Variants in DYNC2I1 observed in about 807,000 individuals in gnomAD.
DYNC2I1 encodes cytoplasmic dynein 2 intermediate chain 1.
A neutral mutation model predicts 133.4 loss-of-function variants in DYNC2I1; 89 were observed. The ratio of observed to expected loss-of-function variants is 0.67; its 90% CI spans 0.56 to 0.80. The LOEUF (loss-of-function observed/expected upper bound fraction) is 0.80, where lower values mean the gene tolerates loss of function less well. DYNC2I1 is among the 30% of genes least tolerant of loss of function. The pLI, the probability that DYNC2I1 is intolerant of heterozygous loss-of-function variation, is 0.00. For synonymous variants in DYNC2I1, 504 were observed against 484.3 expected (o/e 1.04, Z -0.54); for missense variants, 1,291 against 1,314.5 (o/e 0.98, Z 0.28).
At chr7:158,893,168 G>A (rs947838288) in intron 8 of DYNC2I1, among the ~76,000 whole-genome samples, 4 of 152,030 alleles carry the variant, frequency 2.6e-5, no homozygotes, top group Non-Finnish European at 2.9e-5. Flanking sequence ...GGGTCATGAC[G>A]TGGATCCACC....
At chr7:158,857,766 G>T (rs2129475499) in intron 1 of DYNC2I1, among the ~76,000 whole-genome samples, 2 of 142,938 alleles carry the variant, frequency 1.4e-5, no homozygotes, top group East Asian at 2.0e-4. Context: ...TTGATCTCCT[G>T]ACTTCGTGAG....
chr7:158,932,504 C>T (rs1001480460), intron 21 of DYNC2I1, among the ~76,000 whole-genome samples: 1 of 152,174 alleles, frequency 6.6e-6, no homozygotes, highest in Non-Finnish European at 1.5e-5. Flanking sequence ...TGGTCACGAG[C>T]TGTCAGTGGG....
At chr7:158,891,943 G>A (rs1359933029) in intron 8 of DYNC2I1, among the ~76,000 whole-genome samples, 2 of 145,270 alleles carry the variant, frequency 1.4e-5, no homozygotes, top group South Asian at 2.2e-4. Context: ...AATTGCGGAC[G>A]GGGCCTCTGA....
intron 20 of DYNC2I1, among the ~76,000 whole-genome samples, chr7:158,929,191 C>T (rs1199443322): frequency 2.0e-5 from 3 of 152,230 alleles, no homozygotes; most frequent in Admixed American, 6.5e-5. Context: ...GGGTGGCTGC[C>T]AGCTCTTTGT....
intron 12 of DYNC2I1, among the ~76,000 whole-genome samples, chr7:158,912,444 CAATTTTTA>C (rs1300765853): frequency 2.6e-5 from 4 of 152,216 alleles, no homozygotes; most frequent in African/African-American, 9.6e-5. Context: ...ATGGCTTTTA[CAATTTTTA>C]AATTTTTAAA....
the DYNC2I1 span, among the ~76,000 whole-genome samples, chr7:158,841,339 G>A: frequency 6.6e-5 from 10 of 151,578 alleles, no homozygotes; most frequent in Admixed American, 2.6e-4. Flanking sequence ...AGCCTCCTGA[G>A]TAGCTGGGAT....
At position 158,869,890 on chromosome 7, in the gene DYNC2I1, C is replaced by A; in HGVS notation, c.51C>A (p.Asp17Glu). The change falls in exon 2 of 25, where the codon GAC (aspartate) becomes GAA (glutamate). Residue 17 changes from aspartate to glutamate, a missense_variant. Asp to Glu is a conservative substitution (Grantham distance 45). Transcript: ENST00000407559. ...AAGATGATACCTGGAAAGCAGATGA[C>A]CTCAGAAAACATCTCTGGGTAATTA... ...RTKDDTWKAD[D>E]LRKHLWAIQS... 1.2e-6 allele frequency: 2 copies of A among 1,613,474 alleles called. No individual in the cohort carries two copies. Among genetic ancestry groups the A allele is most frequent in the Non-Finnish European group, 1.7e-6 (2 of 1,179,482 alleles).
chr7:158,932,297 G>A (rs1339704586), intron 21 of DYNC2I1, among the ~76,000 whole-genome samples: 1 of 152,170 alleles, frequency 6.6e-6, no homozygotes, highest in Non-Finnish European at 1.5e-5. Flanking sequence ...GGGATGGAGT[G>A]CAGTGGGGAC....
chr7:158,922,665 A>G, intron 16 of DYNC2I1, 116 bp downstream of exon 16: 11 of 993,294 alleles, frequency 1.1e-5, no homozygotes, highest in African/African-American at 1.6e-5. Flanking sequence ...GTGGGTAGGG[A>G]CTTATGGGCC....
chr7:158,840,774 C>T, the DYNC2I1 span, among the ~76,000 whole-genome samples: 2 of 152,120 alleles, frequency 1.3e-5, no homozygotes, highest in Non-Finnish European at 1.5e-5. Context: ...GACTAGTGGG[C>T]CTCTCGGCCT....
intron 1 of DYNC2I1, among the ~76,000 whole-genome samples, chr7:158,866,087 CAGTATCAGTAATGTTAACCATTA>C (rs1842377179): frequency 7.6e-6 from 1 of 131,582 alleles, no homozygotes; most frequent in South Asian, 2.6e-4. Flanking sequence ...TTAACTTTGT[CAGTATCAGTAATGTTAACCATTA>C]AGAAACCCCA....
At chr7:158,840,259 A>C in the DYNC2I1 span, among the ~76,000 whole-genome samples, 1 of 151,934 alleles carries the variant, frequency 6.6e-6, no homozygotes, top group African/African-American at 2.4e-5. Flanking sequence ...AAAAAAAAAA[A>C]TCAGAAATTA....
At chr7:158,843,261 G>GT in the DYNC2I1 span, among the ~76,000 whole-genome samples, 689 of 150,612 alleles carry the variant, frequency 4.6e-3, 3 homozygotes, top group Non-Finnish European at 6.5e-3. Flanking sequence ...TGCCCGGCCA[G>GT]TTTTTTTTTG....
downstream of DYNC2I1, among the ~76,000 whole-genome samples, chr7:158,957,328 G>A (rs1364374586): frequency 6.6e-6 from 1 of 152,220 alleles, no homozygotes; most frequent in Non-Finnish European, 1.5e-5. Flanking sequence ...GCTCCTGTGG[G>A]GCCGATTCTG....
intron 8 of DYNC2I1, among the ~76,000 whole-genome samples, chr7:158,894,863 GTGTTC>G (rs1259421475): frequency 2.1e-5 from 3 of 144,602 alleles, no homozygotes; most frequent in African/African-American, 7.8e-5. Flanking sequence ...GGTGTTGTTG[GTGTTC>G]TGGATATAAA....
chr7:158,952,181 C>T (rs1450650939), intron 4 of DYNC2I1, among the ~76,000 whole-genome samples: 1 of 152,204 alleles, frequency 6.6e-6, no homozygotes, highest in East Asian at 1.9e-4. Flanking sequence ...CGCACGCTGG[C>T]ACCTGTGGGA....
Position 158,945,403 on chromosome 7 carries a change from G to A in DYNC2I1, c.3003-178G>A, listed in dbSNP as rs1851781409. On this transcript the variant is annotated intron_variant, in intron 24 of 24. Coordinates refer to ENST00000407559, the MANE Select transcript of DYNC2I1 (RefSeq NM_018051.5). The surrounding 1 kb of genome is among the most constrained non-coding windows in gnomAD (Gnocchi z 4.1). ...GTTCCATCTGGCAGGCCTCTGACAT[G>A]CGGAAATGCATTTTCACACATTTAT... Among the ~76,000 whole-genome samples, 1 of 152,218 alleles carries A rather than the reference G, an allele frequency of 6.6e-6. No individual in the cohort carries two copies. Among genetic ancestry groups the A allele is most frequent in the Non-Finnish European group, 1.5e-5 (1 of 68,042 alleles).
intron 1 of DYNC2I1, 73 bp downstream of exon 1, chr7:158,856,823 C>T (rs1841285967): frequency 1.6e-6 from 2 of 1,222,326 alleles, no homozygotes; most frequent in Non-Finnish European, 1.0e-6. Context: ...CTAGCAGCGC[C>T]GCCGCCGCCC....
chr7:158,911,609 T>G lies in DYNC2I1; in HGVS notation c.1520T>G (p.Leu507Arg). The G allele has an allele frequency of 6.2e-7, 1 of 1,613,724 alleles. No individual in the cohort carries two copies. Among genetic ancestry groups the G allele is most frequent in the Non-Finnish European group, 8.5e-7 (1 of 1,179,750 alleles). Residue 507 changes from leucine to arginine, a missense_variant, in exon 12 of 25, where the codon CTC (leucine) becomes CGC (arginine). Leu to Arg is a moderately radical substitution (Grantham distance 102). Transcript: ENST00000407559. ...TTAGATTTTTCATTTACTTTCTCTC[T>G]CTTGGATCTACCACCAGTAAATGAA... Reference protein sequence around the residue: ...IDLDFSFTFSLLDLPPVNEYD... With the variant: ...IDLDFSFTFSRLDLPPVNEYD...
Sources: allele counts gnomAD v4.1 joint callset (sites outside exome capture counted in the v4.1 genomes callset), GRCh38; gene constraint gnomAD v4.1.1; non-coding constraint Gnocchi (gnomAD v3.1); transcripts MANE v1.5; gene names NCBI Gene and HGNC (gene_info 2026-07-23, HGNC 2026-07-21).